The following GARIN1B variants were observed in gnomAD, a reference collection of about 807,000 sequenced individuals.
The protein encoded by GARIN1B is Golgi-associated RAB2 interactor protein 1B.
the GARIN1B span, among the ~76,000 whole-genome samples, chr7:128,725,427 T>C: frequency 1.3e-5 from 2 of 152,032 alleles, no homozygotes; most frequent in South Asian, 2.1e-4. Flanking sequence ...CAGGCTGGAG[T>C]GCAGTGGCAT....
the GARIN1B span, among the ~76,000 whole-genome samples, chr7:128,710,850 G>A: frequency 1.3e-5 from 2 of 151,906 alleles, no homozygotes; most frequent in African/African-American, 4.8e-5. Flanking sequence ...AAGAGACGGG[G>A]TTTCTCCATG....
chr7:128,714,752 G>T, the GARIN1B span, among the ~76,000 whole-genome samples: 2 of 152,106 alleles, frequency 1.3e-5, no homozygotes, highest in Non-Finnish European at 2.9e-5. Context: ...TCCAAGAGGG[G>T]GAACAGCTTG....
the GARIN1B span, chr7:128,714,240 ATG>A: frequency 8.8e-7 from 1 of 1,137,020 alleles, no homozygotes; most frequent in Non-Finnish European, 1.3e-6. Context: ...CTCTGTCTAT[ATG>A]TGTTACATTT....
chr7:128,715,792 T>G, the GARIN1B span: 2 of 1,092,168 alleles, frequency 1.8e-6, no homozygotes, highest in Non-Finnish European at 1.4e-6. Flanking sequence ...AGAGTGAGAA[T>G]TGAGGCAAGG....
chr7:128,714,564 A>T, the GARIN1B span, among the ~76,000 whole-genome samples: 4 of 141,906 alleles, frequency 2.8e-5, no homozygotes, highest in East Asian at 8.4e-4. Flanking sequence ...GAGCAACAAG[A>T]GCGAGACTCC....
At chr7:128,719,843 G>A in the GARIN1B span, among the ~76,000 whole-genome samples, 1 of 151,638 alleles carries the variant, frequency 6.6e-6, no homozygotes, top group African/African-American at 2.4e-5. Flanking sequence ...GGCATTACAG[G>A]CACGCACCAC....
At chr7:128,714,816 C>T in the GARIN1B span, among the ~76,000 whole-genome samples, 1 of 152,104 alleles carries the variant, frequency 6.6e-6, no homozygotes, top group East Asian at 1.9e-4. Context: ...AGCGCCCTGA[C>T]AAAGCCAGCC....
chr7:128,729,248 A>C, the GARIN1B span, among the ~76,000 whole-genome samples: 2 of 152,172 alleles, frequency 1.3e-5, no homozygotes, highest in African/African-American at 4.8e-5. Flanking sequence ...AAGAGACTTA[A>C]AATTGGAAAA....
At chr7:128,719,851 C>A in the GARIN1B span, among the ~76,000 whole-genome samples, 1 of 151,798 alleles carries the variant, frequency 6.6e-6, no homozygotes, top group Non-Finnish European at 1.5e-5. Context: ...AGGCACGCAC[C>A]ACCATGCCCA....
chr7:128,723,154 C>G, the GARIN1B span: 1 of 1,552,958 alleles, frequency 6.4e-7, no homozygotes, highest in Non-Finnish European at 8.7e-7. Flanking sequence ...TGTGAAGACC[C>G]CAAGGCCTTA....
the GARIN1B span, among the ~76,000 whole-genome samples, chr7:128,716,045 G>A: frequency 1.3e-5 from 2 of 152,208 alleles, no homozygotes; most frequent in South Asian, 2.1e-4. Flanking sequence ...GCGGATTGGC[G>A]AAAGAACAGC....
At chr7:128,721,343 A>G in the GARIN1B span, among the ~76,000 whole-genome samples, 1 of 152,142 alleles carries the variant, frequency 6.6e-6, no homozygotes, top group Non-Finnish European at 1.5e-5. Flanking sequence ...TTTCCTAAGT[A>G]TCTTATTGTT....
chr7:128,731,197 T>C, the GARIN1B span: 1 of 1,308,124 alleles, frequency 7.6e-7, no homozygotes, highest in Non-Finnish European at 1.1e-6. Flanking sequence ...ATTATCGGGA[T>C]GGAGAGTAGG....
At chr7:128,731,638 C>T in the GARIN1B span, 1 of 163,382 alleles carries the variant, frequency 6.1e-6, no homozygotes, top group African/African-American at 2.4e-5. Context: ...TTCTTCCCTG[C>T]TCAGACCATT....
the GARIN1B span, among the ~76,000 whole-genome samples, chr7:128,729,210 C>T: frequency 6.6e-6 from 1 of 152,032 alleles, no homozygotes; most frequent in African/African-American, 2.4e-5. Flanking sequence ...GACTGTTATA[C>T]CCCAGCCTCT....
the GARIN1B span, chr7:128,726,911 C>T: frequency 6.4e-7 from 1 of 1,574,532 alleles, no homozygotes. Context: ...AAAGAGCTTT[C>T]TACTCTGGAT....
chr7:128,711,654 TACAGACAC>T, the GARIN1B span, among the ~76,000 whole-genome samples: 309 of 107,896 alleles, frequency 2.9e-3, 1 homozygote, highest in Middle Eastern at 0.019. Context: ...ATTTTGGTTT[TACAGACAC>T]ACACACACAC....
the GARIN1B span, chr7:128,730,204 G>C: frequency 1.9e-6 from 2 of 1,035,386 alleles, no homozygotes; most frequent in Non-Finnish European, 2.8e-6. Flanking sequence ...TGGCCACAGA[G>C]ACCTCAGCCC....
chr7:128,718,873 C>T, the GARIN1B span: 1 of 1,614,212 alleles, frequency 6.2e-7, no homozygotes, highest in Non-Finnish European at 8.5e-7. Context: ...TATGTGACCA[C>T]TATCAACGCA....
Sources: gnomAD v4.1 joint callset for allele counts (sites outside exome capture counted in the v4.1 genomes callset) on GRCh38, gnomAD v4.1.1 for gene constraint, MANE v1.5 for transcripts, NCBI Gene and HGNC (gene_info 2026-07-23, HGNC 2026-07-21) for gene names.